The following PPFIA4 variants were observed in gnomAD, a reference collection of about 807,000 sequenced individuals.
The protein encoded by PPFIA4 is PPFI scaffold protein A4, also known as liprin-alpha-4.
PPFIA4 carries 98 observed loss-of-function variants against 145.7 expected under a neutral mutation model. That is an observed-to-expected ratio of 0.67 (90% CI 0.57 to 0.80). The LOEUF (loss-of-function observed/expected upper bound fraction) is 0.80, where lower values mean the gene tolerates loss of function less well. Ranked by LOEUF, PPFIA4 falls within the 30% of genes least tolerant of loss-of-function variation. The pLI is 0.00. For synonymous variants in PPFIA4, 628 were observed against 649.6 expected (o/e 0.97, Z 0.51); for missense variants, 1,457 against 1,632.7 (o/e 0.89, Z 1.85).
rs1662452186 is a variant in PPFIA4 at position 203,075,386 on chromosome 1, C to T, written c.3394-191C>T. 6.6e-6 allele frequency among the ~76,000 whole-genome samples: 1 copy of T among 151,844 alleles called. No individual in the cohort carries two copies. Among genetic ancestry groups the T allele is most frequent in the Non-Finnish European group, 1.5e-5 (1 of 67,962 alleles). On this transcript the variant is annotated intron_variant, in intron 28 of 29. Coordinates refer to ENST00000295706, the MANE Select transcript of PPFIA4 (RefSeq NM_001304331.2). This position sits in a 1 kb window ranked among gnomAD's most constrained non-coding sequence, Gnocchi z 4.1. ...ACCCAGAGACAGGGAATTTCAGAGT[C>T]GCAGGGTTTCCCGATTCACTGTACA...
chr1:203,053,631 A>AT, intron 14 of PPFIA4, 122 bp from the exon 15 acceptor site: 1 of 777,594 alleles, frequency 1.3e-6, no homozygotes, highest in African/African-American at 1.7e-5. Context: ...GCGGCCTGAG[A>AT]TTCTGCATTT....
intron 14 of PPFIA4, among the ~76,000 whole-genome samples, chr1:203,052,739 C>T (rs926141767): frequency 6.6e-6 from 1 of 152,188 alleles, no homozygotes; most frequent in Admixed American, 6.5e-5. Flanking sequence ...CTGTCCCTGG[C>T]TCCCTTCCTT....
chr1:203,060,893 G>GTCCTTT lies in PPFIA4; in HGVS notation c.2785-76_2785-71dup, dbSNP rs146058719. On this transcript the variant is annotated intron_variant, in intron 22 of 29. Transcript: ENST00000295706. The surrounding 1 kb of genome is among the most constrained non-coding windows in gnomAD (Gnocchi z 4.8). Reference sequence around the variant, plus strand: ...GACTCAGGGAGGGAGCTTTGTCCTTGTCCTTTGGGCTCCCAGCCTGATGGG... The same window carrying GTCCTTT: ...GACTCAGGGAGGGAGCTTTGTCCTTGTCCTTTTCCTTTGGGCTCCCAGCCTGATGGG... 1,342 of 1,364,802 alleles carry GTCCTTT rather than the reference G, an allele frequency of 9.8e-4. 13 individuals carry two copies. In the African/African-American group the frequency reaches 0.017, roughly 17 times the overall value. The allele number at this position is 1,364,802 out of a possible 1,614,324, so 84.5% of individuals were successfully genotyped here. A position where few individuals can be genotyped will look rare whatever the true frequency, so the allele number is the denominator to read the frequency against.
chr1:203,057,729 C>T (rs552252590), intron 19 of PPFIA4, among the ~76,000 whole-genome samples: 3 of 152,290 alleles, frequency 2.0e-5, no homozygotes, highest in African/African-American at 7.2e-5. Flanking sequence ...CCAGAACAAC[C>T]TATTGATAGA....
At position 203,048,689 on chromosome 1, in the gene PPFIA4, A is replaced by T; in HGVS notation, c.1331A>T (p.Glu444Val). The T allele has an allele frequency of 6.2e-7, 1 of 1,608,134 alleles. No individual in the cohort carries two copies. Among genetic ancestry groups the T allele is most frequent in the Non-Finnish European group, 8.5e-7 (1 of 1,179,042 alleles). The change falls in exon 11 of 30, where the codon GAG becomes GTG. Residue 444 changes from glutamate (E) to valine (V), a missense_variant. Glu to Val is a moderately radical substitution (Grantham distance 121). Coordinates refer to ENST00000295706, the MANE Select transcript of PPFIA4 (RefSeq NM_001304331.2). The surrounding 1 kb of genome is among the most constrained non-coding windows in gnomAD (Gnocchi z 5.8). ...SNERLQLHLK[E>V]RMAALEEKNT... ...GAGCGTCTGCAGCTCCACCTGAAGG[A>T]GCGCATGGCTGCCCTGGAGGAGAAG...
At position 203,046,131 on chromosome 1, in the gene PPFIA4, C is replaced by A. The variant is rs911217297; in HGVS notation, c.1006-117C>A. The A allele has an allele frequency of 2.6e-6, 4 of 1,543,476 alleles. No homozygotes were observed. The Admixed American group carries it at 7.4e-5, about 29-fold the overall frequency. Reference sequence around the variant, plus strand: ...GAAGTCAGGCGTCTCGGGCAGCCAACAACCAAGATTGTCCCTTGCTGCTTC... The same window carrying A: ...GAAGTCAGGCGTCTCGGGCAGCCAAAAACCAAGATTGTCCCTTGCTGCTTC... On this transcript the variant is annotated intron_variant, in intron 8 of 29. Transcript: ENST00000295706.
Position 203,048,236 on chromosome 1 carries a change from C to A in PPFIA4, c.1150C>A (p.Arg384=). ...RIAALTKAEE[R]HGNIEEHLRQ... is the part of the protein sequence containing the mutation. ...CCATCCCTGCCCCTAGGCTGAAGAA[C>A]GGCATGGCAACATTGAGGAGCACCT... The change falls in exon 10 of 30, where the codon CGG becomes AGG. Residue 384 remains arginine, a synonymous_variant. Transcript: ENST00000295706. This position sits in a 1 kb window ranked among gnomAD's most constrained non-coding sequence, Gnocchi z 5.8. 17 of 1,612,812 alleles carry A rather than the reference C, an allele frequency of 1.1e-5. No individual in the cohort carries two copies. The highest frequency in any genetic ancestry group is 1.4e-5 in the Non-Finnish European group (17 of 1,179,848).
At chr1:203,051,945 C>T (rs1044630921) in intron 14 of PPFIA4, 68 bp downstream of exon 14, 31 of 1,531,092 alleles carry the variant, frequency 2.0e-5, no homozygotes, top group African/African-American at 1.6e-4. Context: ...GCTCCAGTTA[C>T]GCAGACGGCT....
chr1:203,045,546 G>C lies in PPFIA4; in HGVS notation c.845G>C (p.Arg282Pro). Residue 282 changes from arginine (R) to proline (P), a missense_variant, in exon 7 of 30, where the codon CGG becomes CCG. By Grantham distance (103) the Arg-to-Pro change is moderately radical. Coordinates refer to ENST00000295706, the MANE Select transcript of PPFIA4 (RefSeq NM_001304331.2). Reference sequence around the variant, plus strand: ...GAGGAGCTGAGCAGCAAGCATCAGCGGGACCTCCGGGAGGTGCGTGAGGGC... The same window carrying C: ...GAGGAGCTGAGCAGCAAGCATCAGCCGGACCTCCGGGAGGTGCGTGAGGGC... The part of the protein sequence containing the change: ...KSEELSSKHQ[R>P]DLREALAQKE... The C allele has an allele frequency of 6.3e-7, 1 of 1,590,574 alleles. No individual in the cohort carries two copies. The highest frequency in any genetic ancestry group is 8.6e-7 in the Non-Finnish European group (1 of 1,169,522).
In PPFIA4 at chr1:203,076,695, C is replaced by A. The variant is rs1662576491; in HGVS notation, c.*305C>A. The A allele has an allele frequency of 2.2e-6, 1 of 462,686 alleles. No homozygotes were observed. The allele number at this position is 462,686 out of a possible 1,614,324, so 28.7% of individuals were successfully genotyped here. A position where few individuals can be genotyped will look rare whatever the true frequency, so the allele number is the denominator to read the frequency against. ...GCAGCTCAGGGTGGATGTGAAGCCA[C>A]CCTTCCTCTTCTGGACCCAGCCTGG... On this transcript the variant is annotated 3_prime_UTR_variant, in exon 30 of 30. Transcript: ENST00000295706.
Position 203,051,796 on chromosome 1 carries a change from G to A in PPFIA4, c.1539G>A (p.Val513=), listed in dbSNP as rs768554275. The A allele has an allele frequency of 7.4e-6, 12 of 1,613,600 alleles. No individual in the cohort carries two copies. The Admixed American group carries it at 1.8e-4, about 25-fold the overall frequency. The change falls in exon 14 of 30, where the codon GTG becomes GTA. Residue 513 remains valine, a synonymous_variant. Coordinates refer to ENST00000295706, the MANE Select transcript of PPFIA4 (RefSeq NM_001304331.2). ...CGCACATGGGCAGTGCAGCAGACGT[G>A]CGGTTCTCCCTGGGCACAACCACAC... is the stretch of plus-strand genomic sequence containing the variant. ...SRSHMGSAAD[V]RFSLGTTTHA...
chr1:203,039,956 C>T (rs1659583042), intron 2 of PPFIA4, among the ~76,000 whole-genome samples: 1 of 152,206 alleles, frequency 6.6e-6, no homozygotes, highest in African/African-American at 2.4e-5. Flanking sequence ...GAGCCTGGGG[C>T]TAAGTTTCTC....
chr1:203,044,478 C>T, intron 5 of PPFIA4, 25 bp downstream of exon 5: 3 of 1,545,464 alleles, frequency 1.9e-6, no homozygotes, highest in Non-Finnish European at 2.6e-6. Flanking sequence ...CACCCTCAGT[C>T]TGCAGCTCCT....
At position 203,076,366 on chromosome 1, in the gene PPFIA4, C is replaced by T; in HGVS notation, c.3600C>T (p.His1200=). The change falls in exon 30 of 30, where the codon CAC becomes CAT. Residue 1200 remains histidine, a synonymous_variant. Coordinates refer to ENST00000295706, the MANE Select transcript of PPFIA4 (RefSeq NM_001304331.2). ...PEAHSHYLYG[H]MLSAFRD ...CTCACTCCCACTATCTCTACGGACA[C>T]ATGCTCTCCGCCTTCCGGGACTAGC... 1.9e-6 allele frequency: 3 copies of T among 1,607,966 alleles called. No individual in the cohort carries two copies. The highest frequency in any genetic ancestry group is 2.5e-6 in the Non-Finnish European group (3 of 1,179,840).
At chr1:203,062,944 C>G (rs1311150180) in intron 24 of PPFIA4, 1 of 152,210 alleles carries the variant, frequency 6.6e-6, no homozygotes, top group Non-Finnish European at 1.5e-5. Flanking sequence ...GTGGGTAATG[C>G]TCTGCTGCTT....
Position 203,028,086 on chromosome 1 carries a change from A to G in PPFIA4, c.-400+1457A>G, listed in dbSNP as rs149305198. On this transcript the variant is annotated intron_variant, in intron 1 of 29. Coordinates refer to ENST00000295706, the MANE Select transcript of PPFIA4 (RefSeq NM_001304331.2). ...AAGTAAGGAGATAATGAATGACAAA[A>G]TGGTTATTGGGGGCCAAGAATGTCC... Among the ~76,000 whole-genome samples, 877 of 152,288 alleles carry G rather than the reference A, an allele frequency of 5.8e-3. 5 individuals carry two copies. The highest frequency in any genetic ancestry group is 0.011 in the Non-Finnish European group (715 of 68,030).
intron 14 of PPFIA4, among the ~76,000 whole-genome samples, chr1:203,052,581 T>G (rs1005432846): frequency 6.6e-6 from 1 of 152,174 alleles, no homozygotes; most frequent in Non-Finnish European, 1.5e-5. Flanking sequence ...AGTCACAGTC[T>G]GAAGGTGCCT....
At chr1:203,074,785 G>C (rs1287453763) in intron 28 of PPFIA4, among the ~76,000 whole-genome samples, 2 of 152,084 alleles carry the variant, frequency 1.3e-5, no homozygotes, top group Admixed American at 6.6e-5. Flanking sequence ...GGGGGATCCT[G>C]TAGGGTTGTG....
intron 1 of PPFIA4, among the ~76,000 whole-genome samples, chr1:203,032,421 C>T (rs1417398177): frequency 3.4e-5 from 2 of 59,670 alleles, no homozygotes; most frequent in African/African-American, 1.1e-4. Flanking sequence ...GTTCTCCCTT[C>T]CCCGCTTTTT....
Sources: allele counts gnomAD v4.1 joint callset (sites outside exome capture counted in the v4.1 genomes callset), GRCh38; gene constraint gnomAD v4.1.1; non-coding constraint Gnocchi (gnomAD v3.1); transcripts MANE v1.5; gene names NCBI Gene and HGNC (gene_info 2026-07-23, HGNC 2026-07-21).